Variants in MACROD2 observed in about 807,000 individuals in gnomAD.
The protein encoded by MACROD2 is ADP-ribose glycohydrolase MACROD2.
MACROD2 carries 36 observed loss-of-function variants against 70.4 expected under a neutral mutation model. The ratio of observed to expected loss-of-function variants is 0.51; its 90% CI spans 0.39 to 0.68. The LOEUF (loss-of-function observed/expected upper bound fraction) is 0.68, where lower values mean the gene tolerates loss of function less well. Ranked by LOEUF, MACROD2 falls within the 30% of genes least tolerant of loss-of-function variation. MACROD2 has a pLI of 0.00. For missense variants in MACROD2, 496 were observed against 538.4 expected, an observed-to-expected ratio of 0.92 and a Z score of 0.78; for synonymous variants, 172 against 178.8, an observed-to-expected ratio of 0.96 and a Z score of 0.30.
intron 5 of MACROD2, among the ~76,000 whole-genome samples, chr20:14,750,781 A>G (rs540401815): frequency 6.6e-6 from 1 of 152,154 alleles, no homozygotes; most frequent in Non-Finnish European, 1.5e-5. Flanking sequence ...TTTAATTAAT[A>G]TAAATAATCA....
intron 5 of MACROD2, among the ~76,000 whole-genome samples, chr20:15,063,785 T>TC (rs1568555454): frequency 6.6e-6 from 1 of 152,158 alleles, no homozygotes; most frequent in African/African-American, 2.4e-5. Flanking sequence ...GCCAGTTTTT[T>TC]CCCCAACATC....
intron 3 of MACROD2, among the ~76,000 whole-genome samples, chr20:14,167,237 A>C (rs1484846215): frequency 6.6e-6 from 1 of 152,078 alleles, no homozygotes; most frequent in Non-Finnish European, 1.5e-5. Context: ...AATTGTTGAC[A>C]GTGTGACATT....
At chr20:14,275,395 T>C (rs1041197743) in intron 3 of MACROD2, among the ~76,000 whole-genome samples, 24 of 151,966 alleles carry the variant, frequency 1.6e-4, no homozygotes, top group Non-Finnish European at 2.5e-4. Context: ...ATTCCCTATT[T>C]AATAAATGGT....
chr20:14,589,378 T>A (rs1213908917), intron 4 of MACROD2, among the ~76,000 whole-genome samples: 1 of 152,208 alleles, frequency 6.6e-6, no homozygotes, highest in Non-Finnish European at 1.5e-5. Flanking sequence ...GTGAGCAATT[T>A]ACTATATAAT....
chr20:14,229,843 C>T (rs1232514956), intron 3 of MACROD2, among the ~76,000 whole-genome samples: 2 of 152,152 alleles, frequency 1.3e-5, no homozygotes, highest in African/African-American at 2.4e-5. Flanking sequence ...CTATGGTACA[C>T]AGATATAATG....
chr20:14,489,279 G>C (rs1212589303), intron 3 of MACROD2, among the ~76,000 whole-genome samples: 1 of 152,176 alleles, frequency 6.6e-6, no homozygotes. Context: ...ATAGACAGAG[G>C]CCTGTTGCCA....
chr20:14,996,198 AG>A (rs1024300276), intron 5 of MACROD2, among the ~76,000 whole-genome samples: 1 of 152,192 alleles, frequency 6.6e-6, no homozygotes, highest in Admixed American at 6.5e-5. Flanking sequence ...TATTATAAGT[AG>A]GGGGTCTCAC....
intron 5 of MACROD2, among the ~76,000 whole-genome samples, chr20:14,979,975 T>C (rs2074782280): frequency 6.6e-6 from 1 of 152,210 alleles, no homozygotes; most frequent in African/African-American, 2.4e-5. Context: ...ACTTATCTAC[T>C]ATGTTTGTTA....
chr20:15,983,190 G>T (rs549658059), intron 13 of MACROD2, among the ~76,000 whole-genome samples: 1 of 152,176 alleles, frequency 6.6e-6, no homozygotes, highest in Non-Finnish European at 1.5e-5. Flanking sequence ...GTAACTATTT[G>T]ATTTCAAGCT....
intron 4 of MACROD2, among the ~76,000 whole-genome samples, chr20:14,601,528 AG>A (rs999155952): frequency 2.0e-4 from 30 of 151,966 alleles, no homozygotes; most frequent in African/African-American, 7.3e-4. Flanking sequence ...AGTCCAAAAC[AG>A]TATTTTTTTT....
chr20:15,579,896 A>G (rs1040716009), intron 8 of MACROD2, among the ~76,000 whole-genome samples: 3 of 152,184 alleles, frequency 2.0e-5, no homozygotes. Flanking sequence ...TAGCTTGCAA[A>G]TCCTACAGGA....
At chr20:15,736,108 T>C (rs572893429) in intron 8 of MACROD2, among the ~76,000 whole-genome samples, 1 of 152,226 alleles carries the variant, frequency 6.6e-6, no homozygotes, top group Non-Finnish European at 1.5e-5. Context: ...ATGGAAATTA[T>C]AATACCTACA....
chr20:15,280,354 G>A (rs2077432568), intron 6 of MACROD2, among the ~76,000 whole-genome samples: 1 of 151,956 alleles, frequency 6.6e-6, no homozygotes, highest in South Asian at 2.1e-4. Flanking sequence ...TAAATGTTGG[G>A]GTAATAGTCA....
rs551855200 is a variant in MACROD2, at chr20:15,574,679, G to A, written c.645+74832G>A. On this transcript the variant is annotated intron_variant, in intron 8 of 17. Transcript: ENST00000684519. ...CATTGCATCAATTCTAATAGTTTTTGCTTTTCTTCCCCATGAAAACCCCCG... is the reference window on the plus strand; with the variant it reads ...CATTGCATCAATTCTAATAGTTTTTACTTTTCTTCCCCATGAAAACCCCCG... Among the ~76,000 whole-genome samples, 5 of 152,158 alleles carry A rather than the reference G, an allele frequency of 3.3e-5. No homozygotes were observed. In the South Asian group the frequency reaches 1.0e-3, roughly 32 times the overall value.
chr20:15,709,841 C>T (rs1394953452), intron 8 of MACROD2, among the ~76,000 whole-genome samples: 2 of 152,084 alleles, frequency 1.3e-5, no homozygotes, highest in Non-Finnish European at 2.9e-5. Context: ...TAATTGTTTA[C>T]TGTAGCCACC....
chr20:15,408,575 A>G (rs1329845088), intron 6 of MACROD2, among the ~76,000 whole-genome samples: 1 of 152,236 alleles, frequency 6.6e-6, no homozygotes, highest in African/African-American at 2.4e-5. Flanking sequence ...AATCGGAGCA[A>G]AGTCCTCACT....
intron 9 of MACROD2, among the ~76,000 whole-genome samples, chr20:15,878,562 T>A (rs2064708391): frequency 6.6e-6 from 1 of 152,104 alleles, no homozygotes; most frequent in African/African-American, 2.4e-5. Context: ...TTTGTTTATT[T>A]CACTTCCCCA....
chr20:15,370,708 T>G (rs73267071), intron 6 of MACROD2, among the ~76,000 whole-genome samples: 5,057 of 152,156 alleles, frequency 0.033, 281 homozygotes, highest in African/African-American at 0.11. Context: ...ATAAGATGTC[T>G]TCTTCTTTAT....
At position 15,841,120 on chromosome 20, in the gene MACROD2, T is replaced by G. The variant is rs373146887; in HGVS notation, c.646-21625T>G. ...TGAGATGGAATGTCTTTCTCTGTGT[T>G]TCACATGCTGGCCTTGATCATGGGT... On this transcript the variant is annotated intron_variant, in intron 8 of 17. Coordinates refer to ENST00000684519, the MANE Select transcript of MACROD2 (RefSeq NM_001351661.2). 9.8e-5 allele frequency among the ~76,000 whole-genome samples: 15 copies of G among 152,296 alleles called. No individual in the cohort carries two copies. The South Asian group carries it at 3.1e-3, about 32-fold the overall frequency.
Sources: allele counts gnomAD v4.1 joint callset (sites outside exome capture counted in the v4.1 genomes callset), GRCh38; gene constraint gnomAD v4.1.1; transcripts MANE v1.5; gene names NCBI Gene and HGNC (gene_info 2026-07-23, HGNC 2026-07-21).